PSD3: variants seen among roughly 807,000 people sequenced by gnomAD.
PSD3 encodes pleckstrin and Sec7 domain containing 3.
Under a neutral mutation model 105.5 loss-of-function variants are expected in PSD3, and 49 were observed. The observed-to-expected ratio is 0.46, with a 90% CI of 0.37 to 0.59. PSD3 has a LOEUF of 0.59. Among genes scored for constraint, PSD3 ranks in the 20% least tolerant of loss-of-function variants. The pLI, the probability that PSD3 is intolerant of heterozygous loss-of-function variation, is 0.00. For missense variants in PSD3, 1,561 were observed against 1,263.8 expected (o/e 1.24, Z -3.57); for synonymous variants, 557 against 457.8 (o/e 1.22, Z -2.77).
intron 9 of PSD3, among the ~76,000 whole-genome samples, chr8:18,753,386 A>G (rs1563226643): frequency 1.3e-5 from 2 of 151,942 alleles, no homozygotes; most frequent in Admixed American, 1.3e-4. Context: ...AAAGAAAAGA[A>G]TGTGTGAACT....
At chr8:18,830,707 C>A (rs1189855942) in intron 4 of PSD3, among the ~76,000 whole-genome samples, 2 of 152,142 alleles carry the variant, frequency 1.3e-5, no homozygotes, top group East Asian at 3.9e-4. Context: ...CAGCATAACC[C>A]GAACTCCACC....
chr8:18,729,804 A>G (rs1403860579), intron 9 of PSD3, among the ~76,000 whole-genome samples: 1 of 152,142 alleles, frequency 6.6e-6, no homozygotes, highest in East Asian at 1.9e-4. Flanking sequence ...TGAGCCTACT[A>G]CACAGGAGAA....
At chr8:18,730,998 C>T (rs1803705448) in intron 9 of PSD3, among the ~76,000 whole-genome samples, 1 of 151,922 alleles carries the variant, frequency 6.6e-6, no homozygotes, top group Non-Finnish European at 1.5e-5. Context: ...AAAGTCATTC[C>T]AATCTGTCCT....
intron 9 of PSD3, among the ~76,000 whole-genome samples, chr8:18,682,766 G>A (rs974296398): frequency 1.3e-5 from 2 of 152,044 alleles, no homozygotes; most frequent in Admixed American, 1.3e-4. Flanking sequence ...ATAATGTTAT[G>A]TCACACAGGG....
At chr8:18,724,675 C>T (rs1421264886) in intron 9 of PSD3, among the ~76,000 whole-genome samples, 3 of 151,632 alleles carry the variant, frequency 2.0e-5, no homozygotes, top group South Asian at 2.1e-4. Flanking sequence ...GGGGACCTGG[C>T]GGGGGAAGTG....
intron 9 of PSD3, among the ~76,000 whole-genome samples, chr8:18,704,826 T>A (rs10110449): frequency 0.056 from 8,581 of 152,004 alleles, 817 homozygotes; most frequent in African/African-American, 0.2. Context: ...AGCAAAAATA[T>A]AAGCAGCATA....
chr8:18,789,750 C>G lies in PSD3; in HGVS notation c.2082+9545G>C, dbSNP rs76711556. ...GCAGGACTGGCATTAAAGTAAGCAA[C>G]AGGATTGGAAACAAGAGTCAGGGGT... On this transcript the variant is annotated intron_variant, in intron 8 of 15. Transcript: ENST00000327040. Among the ~76,000 whole-genome samples, 744 of 152,286 alleles carry G rather than the reference C, an allele frequency of 4.9e-3. 9 individuals are homozygous for G. Among genetic ancestry groups the G allele is most frequent in the African/African-American group, 0.017 (721 of 41,562 alleles).
intron 4 of PSD3, among the ~76,000 whole-genome samples, chr8:18,852,997 A>T (rs1182039825): frequency 6.6e-6 from 1 of 152,100 alleles, no homozygotes; most frequent in Non-Finnish European, 1.5e-5. Flanking sequence ...TGGTTAAGTA[A>T]CTTGCTAGAG....
chr8:18,945,269 A>G (rs1822789055), intron 1 of PSD3, among the ~76,000 whole-genome samples: 1 of 151,628 alleles, frequency 6.6e-6, no homozygotes, highest in Admixed American at 6.6e-5. Context: ...GTGAACCCTA[A>G]ATGACATCAC....
intron 4 of PSD3, among the ~76,000 whole-genome samples, chr8:18,819,867 G>A (rs1239081978): frequency 1.3e-5 from 2 of 152,162 alleles, no homozygotes; most frequent in African/African-American, 2.4e-5. Flanking sequence ...GTGAGCCTCC[G>A]CACCCAGCCA....
At chr8:19,074,249 T>C (rs1280030879) in intron 1 of PSD3, among the ~76,000 whole-genome samples, 1 of 152,072 alleles carries the variant, frequency 6.6e-6, no homozygotes, top group East Asian at 1.9e-4. Context: ...ACAGAACCCA[T>C]TGCGGTGTTT....
intron 9 of PSD3, chr8:18,684,243 C>CACAG (rs1554470520): frequency 7.7e-4 from 163 of 210,926 alleles, no homozygotes; most frequent in African/African-American, 3.6e-3. Context: ...CACACACACA[C>CACAG]ACACACACCC....
chr8:18,878,228 T>C lies in PSD3; in HGVS notation c.131-5495A>G, dbSNP rs772273762. Among the ~76,000 whole-genome samples, 164 of 152,222 alleles carry C rather than the reference T, an allele frequency of 1.1e-3. 3 individuals carry two copies. The highest frequency in any genetic ancestry group is 3.9e-4 in the Admixed American group (6 of 15,284). On this transcript the variant is annotated intron_variant, in intron 2 of 15. Coordinates refer to ENST00000327040, the MANE Select transcript of PSD3 (RefSeq NM_015310.4). The stretch of plus-strand genomic sequence containing the variant: ...TTTTGATATTGCTTTTCAAATTTCT[T>C]TAGATCATTCAGTAGCCATGCATAG...
chr8:18,607,079 G>A (rs1220308826), intron 11 of PSD3, among the ~76,000 whole-genome samples: 1 of 152,134 alleles, frequency 6.6e-6, no homozygotes, highest in Non-Finnish European at 1.5e-5. Context: ...CTTTGCAGTG[G>A]TCGGTCTGCT....
chr8:18,682,513 T>C (rs568892376), intron 9 of PSD3, among the ~76,000 whole-genome samples: 2 of 152,152 alleles, frequency 1.3e-5, no homozygotes, highest in African/African-American at 2.4e-5. Context: ...TTAAAGGACT[T>C]TGAAGACACG....
At chr8:19,011,174 TAAACCTCAAAC>T (rs1826933576) in intron 1 of PSD3, among the ~76,000 whole-genome samples, 1 of 152,178 alleles carries the variant, frequency 6.6e-6, no homozygotes, top group South Asian at 2.1e-4. Context: ...TTACCCCATG[TAAACCTCAAAC>T]AAACCAGTCT....
chr8:18,914,510 G>T (rs1239205607), intron 2 of PSD3, among the ~76,000 whole-genome samples: 1 of 152,152 alleles, frequency 6.6e-6, no homozygotes. Context: ...AATAAATTCA[G>T]TAAGGTTGCA....
In PSD3 at chr8:18,528,008, A is replaced by G. The variant is rs1563287155; in HGVS notation, c.*7735T>C. 6.6e-6 allele frequency: 1 copy of G among 152,250 alleles called. No homozygotes were observed. Among genetic ancestry groups the G allele is most frequent in the Non-Finnish European group, 1.5e-5 (1 of 68,040 alleles). 9.4% of individuals were successfully genotyped at this position (152,250 alleles called of 1,614,324 possible). A position where few individuals can be genotyped will look rare whatever the true frequency, so the allele number is the denominator to read the frequency against. ...CACAATGCCAATTAGTTTGAGCCAC[A>G]GTGAATATAACTCAGTTATTATAAT... On this transcript the variant is annotated 3_prime_UTR_variant, in exon 16 of 16. Coordinates refer to ENST00000327040, the MANE Select transcript of PSD3 (RefSeq NM_015310.4).
intron 2 of PSD3, among the ~76,000 whole-genome samples, chr8:18,875,393 G>A (rs555977444): frequency 2.2e-3 from 335 of 152,154 alleles, no homozygotes; most frequent in African/African-American, 7.8e-3. Context: ...AAACAATAAA[G>A]AGCCTTCTTC....
Sources: allele counts gnomAD v4.1 joint callset (sites outside exome capture counted in the v4.1 genomes callset), GRCh38; gene constraint gnomAD v4.1.1; transcripts MANE v1.5; gene names NCBI Gene and HGNC (gene_info 2026-07-23, HGNC 2026-07-21).